The following TRAPPC9 variants were observed in gnomAD, a reference collection of about 807,000 sequenced individuals.
The protein encoded by TRAPPC9 is IKK2 binding protein.
Under a neutral mutation model 124.0 loss-of-function variants are expected in TRAPPC9, and 83 were observed. The ratio of observed to expected loss-of-function variants is 0.67; its 90% CI spans 0.56 to 0.80. The LOEUF is 0.80. TRAPPC9 is among the 30% of genes least tolerant of loss of function. The pLI is 0.00. For synonymous variants in TRAPPC9, 638 were observed against 617.5 expected (o/e 1.03, Z -0.49); for missense variants, 1,302 against 1,508.3 (o/e 0.86, Z 2.27).
intron 17 of TRAPPC9, among the ~76,000 whole-genome samples, chr8:140,158,613 A>G (rs1011070274): frequency 1.3e-5 from 2 of 152,262 alleles, no homozygotes; most frequent in African/African-American, 2.4e-5. Flanking sequence ...TATATGTTTA[A>G]TAAATTTAAA....
intron 18 of TRAPPC9, among the ~76,000 whole-genome samples, chr8:139,989,119 C>T (rs1425021354): frequency 6.6e-6 from 1 of 152,196 alleles, no homozygotes; most frequent in Non-Finnish European, 1.5e-5. Context: ...ACCAAGTGGC[C>T]TTGGGAAGGT....
At chr8:139,818,009 G>C (rs1340148377) in intron 21 of TRAPPC9, among the ~76,000 whole-genome samples, 2 of 152,202 alleles carry the variant, frequency 1.3e-5, no homozygotes, top group Non-Finnish European at 2.9e-5. Context: ...GTGTGTACCA[G>C]TATATGCTAA....
chr8:140,286,600 C>T (rs553524950), intron 13 of TRAPPC9, among the ~76,000 whole-genome samples: 3 of 152,184 alleles, frequency 2.0e-5, no homozygotes, highest in African/African-American at 7.2e-5. Context: ...CAGCGAGGGT[C>T]AGGATGACCC....
intron 2 of TRAPPC9, among the ~76,000 whole-genome samples, chr8:140,449,832 C>T (rs1564031537): frequency 6.6e-6 from 1 of 152,236 alleles, no homozygotes; most frequent in Non-Finnish European, 1.5e-5. Context: ...CAGATTCACC[C>T]TCTCATCTGT....
chr8:139,888,670 A>G (rs1473886835), intron 20 of TRAPPC9, among the ~76,000 whole-genome samples: 1 of 152,220 alleles, frequency 6.6e-6, no homozygotes, highest in Non-Finnish European at 1.5e-5. Flanking sequence ...TCCCTCCCTT[A>G]GAAGAATTCT....
chr8:140,080,485 A>G (rs1200421027), intron 17 of TRAPPC9, among the ~76,000 whole-genome samples: 1 of 152,232 alleles, frequency 6.6e-6, no homozygotes, highest in Non-Finnish European at 1.5e-5. Flanking sequence ...GGCTGCGTCA[A>G]GATGTAGCAG....
At chr8:139,967,366 A>G (rs964357200) in intron 19 of TRAPPC9, among the ~76,000 whole-genome samples, 2 of 152,258 alleles carry the variant, frequency 1.3e-5, no homozygotes, top group African/African-American at 4.8e-5. Flanking sequence ...GTGCTGCTGC[A>G]CTAAGTCACT....
intron 2 of TRAPPC9, among the ~76,000 whole-genome samples, chr8:140,444,349 C>T (rs867098161): frequency 1.3e-5 from 2 of 152,140 alleles, no homozygotes; most frequent in Non-Finnish European, 2.9e-5. Context: ...AATTCCCCAG[C>T]ACCTCTCTCC....
At chr8:140,018,791 T>C (rs1839645455) in intron 18 of TRAPPC9, among the ~76,000 whole-genome samples, 1 of 152,202 alleles carries the variant, frequency 6.6e-6, no homozygotes, top group Non-Finnish European at 1.5e-5. Context: ...TTTATTTCAT[T>C]TCCTATTTTA....
intron 17 of TRAPPC9, among the ~76,000 whole-genome samples, chr8:140,221,102 A>G (rs906064354): frequency 9.9e-5 from 15 of 152,232 alleles, no homozygotes; most frequent in African/African-American, 3.6e-4. Flanking sequence ...AAGGGTTGCC[A>G]AAAGATTAAG....
rs149128044 is a variant in TRAPPC9 at position 140,354,866 on chromosome 8, G to A, written c.1495+5184C>T. Among the ~76,000 whole-genome samples the A allele has an allele frequency of 1.3e-3, 198 of 152,280 alleles. 1 individual carries two copies. The highest frequency in any genetic ancestry group is 4.5e-3 in the African/African-American group (189 of 41,542). On this transcript the variant is annotated intron_variant, in intron 9 of 22. Transcript: ENST00000438773. ...GCTGGGGAGAATGTAATTATTGATCGGAGGTTACAGTAATTAGAGGCTGAG... is the reference window on the plus strand; with the variant it reads ...GCTGGGGAGAATGTAATTATTGATCAGAGGTTACAGTAATTAGAGGCTGAG...
chr8:140,199,340 T>C (rs529805864), intron 17 of TRAPPC9, among the ~76,000 whole-genome samples: 3 of 152,256 alleles, frequency 2.0e-5, no homozygotes, highest in African/African-American at 7.2e-5. Context: ...TCTGGATACA[T>C]GTAAAGACAC....
chr8:140,366,262 TAAAG>T (rs928621129), intron 8 of TRAPPC9, among the ~76,000 whole-genome samples: 1 of 152,196 alleles, frequency 6.6e-6, no homozygotes, highest in African/African-American at 2.4e-5. Flanking sequence ...TAGAATGATT[TAAAG>T]AAATATAAAT....
intron 17 of TRAPPC9, among the ~76,000 whole-genome samples, chr8:140,058,562 C>T (rs776030318): frequency 1.3e-4 from 20 of 152,194 alleles, no homozygotes; most frequent in Non-Finnish European, 2.1e-4. Flanking sequence ...ACAAAGTTCT[C>T]GCAATACAGG....
At chr8:139,889,881 C>T (rs190370553) in intron 20 of TRAPPC9, among the ~76,000 whole-genome samples, 147 of 152,302 alleles carry the variant, frequency 9.7e-4, no homozygotes, top group Non-Finnish European at 2.0e-3. Flanking sequence ...AGCATGCAGC[C>T]GCCCTGTGTG....
At chr8:140,094,716 T>C (rs1276239078) in intron 17 of TRAPPC9, among the ~76,000 whole-genome samples, 2 of 152,134 alleles carry the variant, frequency 1.3e-5, no homozygotes, top group Non-Finnish European at 2.9e-5. Flanking sequence ...AAGCAAGACA[T>C]CTATGCCGCA....
intron 17 of TRAPPC9, among the ~76,000 whole-genome samples, chr8:140,049,715 G>A (rs1003444806): frequency 1.3e-5 from 2 of 152,190 alleles, no homozygotes; most frequent in Admixed American, 1.3e-4. Flanking sequence ...CTTGAGGCTG[G>A]AAATGAAAGC....
At chr8:139,854,330 C>T (rs1010350566) in intron 21 of TRAPPC9, among the ~76,000 whole-genome samples, 12 of 152,338 alleles carry the variant, frequency 7.9e-5, no homozygotes, top group Admixed American at 5.9e-4. Flanking sequence ...AGCTCACAGA[C>T]GCTGCCATGA....
intron 9 of TRAPPC9, among the ~76,000 whole-genome samples, chr8:140,321,798 G>T (rs1159201913): frequency 6.6e-6 from 1 of 152,168 alleles, no homozygotes; most frequent in African/African-American, 2.4e-5. Context: ...GGGCAGGCAG[G>T]ACAGCTAGGA....
Sources: gnomAD v4.1 joint callset for allele counts (sites outside exome capture counted in the v4.1 genomes callset) on GRCh38, gnomAD v4.1.1 for gene constraint, MANE v1.5 for transcripts, NCBI Gene and HGNC (gene_info 2026-07-23, HGNC 2026-07-21) for gene names.